Variants in PDE7B observed in about 807,000 individuals in gnomAD.
PDE7B encodes 3',5'-cyclic-AMP phosphodiesterase 7B.
In PDE7B, 29 loss-of-function variants were observed where a neutral mutation model predicts 56.2. The ratio of observed to expected loss-of-function variants is 0.52; its 90% CI spans 0.38 to 0.70. PDE7B has a LOEUF of 0.70. Ranked by LOEUF, PDE7B falls within the 30% of genes least tolerant of loss-of-function variation. The pLI, the probability that PDE7B is intolerant of heterozygous loss-of-function variation, is 0.00. For missense variants in PDE7B, 490 were observed against 565.0 expected (o/e 0.87, Z 1.35); for synonymous variants, 197 against 196.9 (o/e 1.00, Z 0.00).
chr6:135,943,390 G>C lies in PDE7B; in HGVS notation c.22-4074G>C, dbSNP rs554750314. Among the ~76,000 whole-genome samples the C allele has an allele frequency of 3.9e-5, 6 of 152,308 alleles. No homozygotes were observed. The South Asian group carries it at 1.2e-3, about 32-fold the overall frequency. ...CTGATCCAAAGCCCGTGCTCTACTA[G>C]ATGGCAATTCTTGCAAACAGCCAGT... On this transcript the variant is annotated intron_variant, in intron 1 of 12. Coordinates refer to ENST00000308191, the MANE Select transcript of PDE7B (RefSeq NM_018945.4).
chr6:136,166,409 T>C (rs1312134203), intron 8 of PDE7B: 1 of 152,598 alleles, frequency 6.6e-6, no homozygotes, highest in East Asian at 1.9e-4. Flanking sequence ...AACTGGATAA[T>C]TTATAAAGAG....
intron 8 of PDE7B, among the ~76,000 whole-genome samples, chr6:136,157,449 A>G (rs1167515009): frequency 6.6e-6 from 1 of 152,148 alleles, no homozygotes; most frequent in Non-Finnish European, 1.5e-5. Flanking sequence ...ATCGTGGCAC[A>G]TGCTTGTAAT....
chr6:135,948,742 G>T (rs905340926), intron 2 of PDE7B, among the ~76,000 whole-genome samples: 3 of 151,738 alleles, frequency 2.0e-5, no homozygotes, highest in Admixed American at 6.6e-5. Context: ...CATGAACGAA[G>T]AATATAGCAT....
intron 2 of PDE7B, among the ~76,000 whole-genome samples, chr6:135,963,996 G>A (rs1774949757): frequency 6.6e-6 from 1 of 152,128 alleles, no homozygotes; most frequent in African/African-American, 2.4e-5. Flanking sequence ...AAAGAGACAG[G>A]CAAGTCTTTG....
chr6:136,038,112 C>A, intron 2 of PDE7B: 1 of 1,323,022 alleles, frequency 7.6e-7, no homozygotes, highest in Admixed American at 2.1e-5. Flanking sequence ...CTGGAGGAGG[C>A]TTGTCTTTCC....
At chr6:135,944,138 C>T (rs776158923) in intron 1 of PDE7B, among the ~76,000 whole-genome samples, 4 of 152,162 alleles carry the variant, frequency 2.6e-5, no homozygotes, top group Non-Finnish European at 5.9e-5. Context: ...TCAGGGTCAC[C>T]TGGCAGCAGG....
chr6:135,953,393 G>A (rs962312542), intron 2 of PDE7B, among the ~76,000 whole-genome samples: 8 of 152,110 alleles, frequency 5.3e-5, no homozygotes, highest in Admixed American at 1.3e-4. Flanking sequence ...GGCATTGAAA[G>A]ACCTGGTACC....
At chr6:136,010,959 G>C (rs2128207189) in intron 2 of PDE7B, among the ~76,000 whole-genome samples, 1 of 152,292 alleles carries the variant, frequency 6.6e-6, no homozygotes, top group South Asian at 2.1e-4. Flanking sequence ...TATACTTCAT[G>C]CCGTGTGGGA....
chr6:135,948,494 G>T (rs1248761411), intron 2 of PDE7B, among the ~76,000 whole-genome samples: 1 of 151,866 alleles, frequency 6.6e-6, no homozygotes, highest in African/African-American at 2.4e-5. Flanking sequence ...TTAAATAGAG[G>T]CAGGCAAAGA....
intron 2 of PDE7B, among the ~76,000 whole-genome samples, chr6:135,996,078 A>G (rs1282060939): frequency 6.6e-6 from 1 of 152,168 alleles, no homozygotes; most frequent in Non-Finnish European, 1.5e-5. Context: ...TAAAACCTCT[A>G]CTTGATGGTG....
At chr6:136,166,779 G>C (rs1367853617) in intron 8 of PDE7B, among the ~76,000 whole-genome samples, 4 of 152,056 alleles carry the variant, frequency 2.6e-5, no homozygotes, top group Non-Finnish European at 4.4e-5. Flanking sequence ...ATTTCAACCT[G>C]TTTCTCCCCT....
chr6:136,105,185 T>TGATTGAACCGTGAACTCATCAAGGGA (rs1777627922), intron 2 of PDE7B, among the ~76,000 whole-genome samples: 1 of 152,228 alleles, frequency 6.6e-6, no homozygotes, highest in Non-Finnish European at 1.5e-5. Context: ...AAATGCTCTT[T>TGATTGAACCGTGAACTCATCAAGGGA]GATTGAACCG....
At chr6:136,161,552 T>G (rs1778704256) in intron 8 of PDE7B, among the ~76,000 whole-genome samples, 1 of 152,236 alleles carries the variant, frequency 6.6e-6, no homozygotes, top group Non-Finnish European at 1.5e-5. Flanking sequence ...TGATACATGT[T>G]ATTTCTTGAG....
intron 2 of PDE7B, among the ~76,000 whole-genome samples, chr6:136,100,846 G>T (rs886990916): frequency 7.2e-5 from 11 of 152,046 alleles, no homozygotes; most frequent in African/African-American, 2.4e-4. Context: ...GTCTTGTGCT[G>T]GTTTTCAAAG....
chr6:136,100,800 C>T (rs1397257344), intron 2 of PDE7B, among the ~76,000 whole-genome samples: 4 of 152,170 alleles, frequency 2.6e-5, no homozygotes, highest in Admixed American at 1.3e-4. Flanking sequence ...ACTTCCAATA[C>T]TATATTGAAT....
At chr6:136,124,568 C>T (rs1362624264) in intron 3 of PDE7B, among the ~76,000 whole-genome samples, 2 of 152,100 alleles carry the variant, frequency 1.3e-5, no homozygotes, top group Non-Finnish European at 2.9e-5. Context: ...TAATGCTGTG[C>T]CCTCAGCTAT....
At chr6:136,072,906 G>C (rs1312312340) in intron 2 of PDE7B, 1 of 152,222 alleles carries the variant, frequency 6.6e-6, no homozygotes, top group Non-Finnish European at 1.5e-5. Flanking sequence ...CCTGTCAGCA[G>C]CTCCTGATAA....
At chr6:136,005,345 T>C (rs907918866) in intron 2 of PDE7B, among the ~76,000 whole-genome samples, 5 of 152,030 alleles carry the variant, frequency 3.3e-5, no homozygotes, top group African/African-American at 1.2e-4. Flanking sequence ...AAAGCCAAAA[T>C]TGACAAATGG....
rs559769128 is a variant in PDE7B at position 136,195,455 on chromosome 6, G to GAAAAAAA, written c.*3631_*3637dup. The GAAAAAAA allele has an allele frequency of 1.2e-4, 8 of 68,968 alleles. No individual in the cohort carries two copies. Among genetic ancestry groups the GAAAAAAA allele is most frequent in the Admixed American group, 3.8e-4 (2 of 5,300 alleles). The allele number at this position is 68,968 out of a possible 1,614,324, so 4.3% of individuals were successfully genotyped here. A position where few individuals can be genotyped will look rare whatever the true frequency, so the allele number is the denominator to read the frequency against. Reference sequence around the variant, plus strand: ...CATTTTGTATACACATGTGAGGTTTGAAAAAAAAAAAAAAAAAAAAAAGAA... The same window carrying GAAAAAAA: ...CATTTTGTATACACATGTGAGGTTTGAAAAAAAAAAAAAAAAAAAAAAAAAAAAAGAA... On this transcript the variant is annotated 3_prime_UTR_variant, in exon 13 of 13. Coordinates refer to ENST00000308191, the MANE Select transcript of PDE7B (RefSeq NM_018945.4).
Sources: gnomAD v4.1 joint callset for allele counts (sites outside exome capture counted in the v4.1 genomes callset) on GRCh38, gnomAD v4.1.1 for gene constraint, MANE v1.5 for transcripts, NCBI Gene and HGNC (gene_info 2026-07-23, HGNC 2026-07-21) for gene names.